Variants in GALNT9 observed in about 807,000 individuals in gnomAD.
GALNT9 encodes the protein GalNAc transferase 9.
In GALNT9, 47 loss-of-function variants were observed where a neutral mutation model predicts 63.1. The observed-to-expected ratio is 0.75, with a 90% CI of 0.59 to 0.95. The LOEUF (loss-of-function observed/expected upper bound fraction) is 0.95. GALNT9 is among the 40% of genes least tolerant of loss of function. The pLI is 0.00. For missense variants in GALNT9, 829 were observed against 874.8 expected (o/e 0.95, Z 0.66); for synonymous variants, 396 against 365.7 (o/e 1.08, Z -0.94).
chr12:132,285,524 C>G (rs1475805721), intron 2 of GALNT9, among the ~76,000 whole-genome samples: 2 of 152,260 alleles, frequency 1.3e-5, no homozygotes, highest in Non-Finnish European at 2.9e-5. Flanking sequence ...GGCCAGGGCC[C>G]GGCTCCTGAT....
At chr12:132,328,551 T>C (rs1246492550) in intron 1 of GALNT9, among the ~76,000 whole-genome samples, 1 of 152,114 alleles carries the variant, frequency 6.6e-6, no homozygotes, top group Non-Finnish European at 1.5e-5. Context: ...ACCCTCCTCT[T>C]TCCCCACCTT....
intron 2 of GALNT9, chr12:132,278,287 T>C (rs1473603068): frequency 6.6e-6 from 1 of 152,188 alleles, no homozygotes; most frequent in Admixed American, 6.5e-5. Flanking sequence ...TAATGCAGAC[T>C]TCTGAGTTTA....
At chr12:132,214,152 G>C (rs1877087329) in intron 6 of GALNT9, among the ~76,000 whole-genome samples, 1 of 152,172 alleles carries the variant, frequency 6.6e-6, no homozygotes, top group East Asian at 1.9e-4. Flanking sequence ...GCCGATTCCG[G>C]GGTGCCGTGT....
Position 132,199,269 on chromosome 12 carries a change from C to T in GALNT9, c.1402G>A (p.Val468Met). Residue 468 changes from valine (V) to methionine (M), a missense_variant and splice_region_variant, in exon 9 of 11, where the codon GTG becomes ATG. By Grantham distance (21) the Val-to-Met change is conservative (BLOSUM62 1). Transcript: ENST00000328957. The part of the protein sequence containing the change: ...VYNNTLTYGE[V>M]RNSKASAYCL... ...TAGGCACTGGCTTTGCTGTTTCTCA[C>T]CTGCAAGCAGAAGCCCCAGGAGAAA... is the stretch of plus-strand genomic sequence containing the variant. 3 of 1,600,390 alleles carry T rather than the reference C, an allele frequency of 1.9e-6. No individual in the cohort carries two copies. The highest frequency in any genetic ancestry group is 1.3e-5 in the African/African-American group (1 of 74,886).
chr12:132,321,180 G>A (rs377567790), intron 1 of GALNT9, among the ~76,000 whole-genome samples: 20 of 151,404 alleles, frequency 1.3e-4, no homozygotes, highest in Middle Eastern at 3.4e-3. Flanking sequence ...CTGTGGGTCC[G>A]GAGTCGAGGC....
At position 132,240,312 on chromosome 12, in the gene GALNT9, G is replaced by A. The variant is rs149482787; in HGVS notation, c.1077+7598C>T. On this transcript the variant is annotated intron_variant, in intron 6 of 10. Transcript: ENST00000328957. The stretch of plus-strand genomic sequence containing the variant: ...GTGCCCCTCCCTGTAGCCCCGGCCC[G>A]GCTCTGGCCTCTGGCCGGCAGACTC... Among the ~76,000 whole-genome samples the A allele has an allele frequency of 9.0e-3, 1,377 of 152,242 alleles. 19 individuals carry two copies. The highest frequency in any genetic ancestry group is 0.031 in the African/African-American group (1,307 of 41,530).
At chr12:132,328,072 G>T (rs1555246642) in intron 1 of GALNT9, among the ~76,000 whole-genome samples, 1 of 152,190 alleles carries the variant, frequency 6.6e-6, no homozygotes, top group Non-Finnish European at 1.5e-5. Context: ...AGTGATGTAG[G>T]CACATGCAAA....
In GALNT9 at chr12:132,310,540, C is replaced by T. The variant is rs1422809007; in HGVS notation, c.238+18426G>A. Among the ~76,000 whole-genome samples the T allele has an allele frequency of 6.6e-6, 1 of 152,190 alleles. No homozygotes were observed. The highest frequency in any genetic ancestry group is 2.4e-5 in the African/African-American group (1 of 41,450). ...GTCCCTGCCCCCTGAAGAGTCATTT[C>T]ACACTTGGCCGCCTGCTTTCCCAGC... On this transcript the variant is annotated intron_variant, in intron 1 of 10. Transcript: ENST00000328957. The surrounding 1 kb of genome is among the most constrained non-coding windows in gnomAD (Gnocchi z 4.8).
In GALNT9 at chr12:132,240,639, G is replaced by C. The variant is rs2136899028; in HGVS notation, c.1077+7271C>G. The stretch of plus-strand genomic sequence containing the variant: ...GGCTCGGCTGTGCTCTATGGGCCTC[G>C]GACCTGCTCCTCTTCACTCTCTGCC... On this transcript the variant is annotated intron_variant, in intron 6 of 10. Coordinates refer to ENST00000328957, the MANE Select transcript of GALNT9 (RefSeq NM_001122636.2). 9.6e-5 allele frequency: 43 copies of C among 449,734 alleles called. 1 individual carries two copies. Among genetic ancestry groups the C allele is most frequent in the South Asian group, 6.3e-4 (40 of 63,900 alleles). The allele number at this position is 449,734 out of a possible 1,614,324, so 27.9% of individuals were successfully genotyped here. A position where few individuals can be genotyped will look rare whatever the true frequency, so the allele number is the denominator to read the frequency against.
intron 7 of GALNT9, among the ~76,000 whole-genome samples, chr12:132,202,023 C>G (rs73486333): frequency 3.3e-4 from 50 of 152,248 alleles, no homozygotes; most frequent in African/African-American, 1.0e-3. Flanking sequence ...TTGGCCTTCA[C>G]GGCCTGGGCT....
chr12:132,295,456 C>T (rs1378261734), intron 1 of GALNT9, among the ~76,000 whole-genome samples: 9 of 151,630 alleles, frequency 5.9e-5, no homozygotes, highest in Non-Finnish European at 1.0e-4. Flanking sequence ...AAACGGTCTT[C>T]GCTGACGTCA....
chr12:132,240,438 G>C (rs1878209116), intron 6 of GALNT9: 55 of 361,882 alleles, frequency 1.5e-4, no homozygotes, highest in South Asian at 1.1e-3. Flanking sequence ...CGCAGACATG[G>C]CCTCAGAACC....
At chr12:132,229,786 C>A (rs1347547143) in intron 6 of GALNT9, among the ~76,000 whole-genome samples, 1 of 152,316 alleles carries the variant, frequency 6.6e-6, no homozygotes, top group Admixed American at 6.5e-5. Flanking sequence ...GGGTTCAGGG[C>A]ACCACAGGTG....
chr12:132,257,055 C>G (rs1003679124), intron 5 of GALNT9, among the ~76,000 whole-genome samples: 1 of 152,172 alleles, frequency 6.6e-6, no homozygotes, highest in Non-Finnish European at 1.5e-5. Context: ...GGCAGCCATG[C>G]CTTGAAGACT....
intron 6 of GALNT9, among the ~76,000 whole-genome samples, chr12:132,225,672 C>T (rs1490458796): frequency 6.7e-6 from 1 of 149,176 alleles, no homozygotes; most frequent in East Asian, 2.0e-4. Flanking sequence ...ACACACACTC[C>T]ACACACTGTA....
chr12:132,254,777 C>A (rs1437855300), intron 5 of GALNT9, among the ~76,000 whole-genome samples: 5 of 152,242 alleles, frequency 3.3e-5, no homozygotes, highest in African/African-American at 9.6e-5. Context: ...TATTCTCCCT[C>A]TCCCGTAAGG....
chr12:132,272,403 C>T lies in GALNT9; in HGVS notation c.420-9778G>A, dbSNP rs1319121615. 2.0e-5 allele frequency among the ~76,000 whole-genome samples: 3 copies of T among 152,232 alleles called. No homozygotes were observed. In the East Asian group the frequency reaches 5.8e-4, roughly 29 times the overall value. On this transcript the variant is annotated intron_variant, in intron 2 of 10. Transcript: ENST00000328957. ...AGAAGAAAATATCACAGCGCCACCA[C>T]CCTACTGCCGGGCGCTTAAATTAGT...
chr12:132,199,282 GC>G lies in GALNT9; in HGVS notation c.1402-14del. On this transcript the variant is annotated splice_polypyrimidine_tract_variant and intron_variant, in intron 8 of 10. Transcript: ENST00000328957. ...TGCTGTTTCTCACCTGCAAGCAGAA[GC>G]CCCAGGAGAAAGTCCAGAGTCACCC... The G allele has an allele frequency of 6.3e-7, 1 of 1,585,698 alleles. No homozygotes were observed.
intron 6 of GALNT9, among the ~76,000 whole-genome samples, chr12:132,225,773 G>GTAT (rs1184284015): frequency 8.6e-6 from 1 of 116,690 alleles, no homozygotes; most frequent in Non-Finnish European, 1.7e-5. Context: ...TACACACGCT[G>GTAT]TATACACCCC....
Sources: gnomAD v4.1 joint callset for allele counts (sites outside exome capture counted in the v4.1 genomes callset) on GRCh38, gnomAD v4.1.1 for gene constraint, Gnocchi (gnomAD v3.1) non-coding constraint, MANE v1.5 for transcripts, NCBI Gene and HGNC (gene_info 2026-07-23, HGNC 2026-07-21) for gene names.